DHDDS: variants seen among roughly 807,000 people sequenced by gnomAD.
DHDDS encodes dehydrodolichyl diphosphate synthase complex subunit DHDDS.
Under a neutral mutation model 46.2 loss-of-function variants are expected in DHDDS, and 16 were observed. That is an observed-to-expected ratio of 0.35 (90% CI 0.23 to 0.53). The LOEUF (loss-of-function observed/expected upper bound fraction) is 0.53, where lower values mean the gene tolerates loss of function less well. Ranked by LOEUF, DHDDS falls within the 20% of genes least tolerant of loss-of-function variation. The probability of loss-of-function intolerance (pLI) is 0.94; values close to 1 mark genes in which losing one functional copy is unlikely to be tolerated. For synonymous variants in DHDDS, 151 were observed against 163.1 expected (o/e 0.93, Z 0.56); for missense variants, 340 against 423.7 (o/e 0.80, Z 1.73).
chr1:26,443,910 A>C (rs1453821140), intron 4 of DHDDS, among the ~76,000 whole-genome samples: 2 of 152,198 alleles, frequency 1.3e-5, no homozygotes, highest in Non-Finnish European at 2.9e-5. Flanking sequence ...TCCTGTAATC[A>C]CATTATACCA....
At position 26,448,655 on chromosome 1, in the gene DHDDS, C is replaced by G. The variant is rs1052350462; in HGVS notation, c.542+995C>G. The stretch of plus-strand genomic sequence containing the variant: ...GTAAAATAATAGTAGCAAAAAATAA[C>G]CCAGGAGATGTGTTGTGTTCTGTAT... On this transcript the variant is annotated intron_variant, in intron 6 of 8. Transcript: ENST00000236342. The G allele has an allele frequency of 5.3e-5, 8 of 152,092 alleles. 1 individual carries two copies. The highest frequency in any genetic ancestry group is 1.9e-4 in the African/African-American group (8 of 41,500). The allele number at this position is 152,092 out of a possible 1,614,324, so 9.4% of individuals were successfully genotyped here.
At chr1:26,436,599 A>G (rs1181742532) in intron 2 of DHDDS, among the ~76,000 whole-genome samples, 1 of 151,498 alleles carries the variant, frequency 6.6e-6, no homozygotes, top group African/African-American at 2.4e-5. Context: ...AACTTTTTGT[A>G]TTTTTAGTAG....
intron 8 of DHDDS, among the ~76,000 whole-genome samples, chr1:26,465,298 C>T (rs1274614330): frequency 6.6e-6 from 1 of 152,204 alleles, no homozygotes; most frequent in Non-Finnish European, 1.5e-5. Flanking sequence ...TATATTTCTT[C>T]TGCTCTTCAG....
chr1:26,443,052 C>T (rs906238972), intron 4 of DHDDS, 179 bp downstream of exon 4: 12 of 999,722 alleles, frequency 1.2e-5, no homozygotes, highest in African/African-American at 6.7e-5. Context: ...TTATTTCTAA[C>T]TTTTTAATAA....
At chr1:26,434,743 C>T (rs555668029) in intron 2 of DHDDS, among the ~76,000 whole-genome samples, 10 of 152,060 alleles carry the variant, frequency 6.6e-5, no homozygotes, top group African/African-American at 2.2e-4. Context: ...ACCTCTGTCT[C>T]CTGGGTTCAA....
intron 8 of DHDDS, chr1:26,467,008 C>T: frequency 4.9e-6 from 1 of 202,150 alleles, no homozygotes; most frequent in South Asian, 7.9e-5. Flanking sequence ...CTCATTACTC[C>T]CACTGCCAGA....
intron 7 of DHDDS, among the ~76,000 whole-genome samples, chr1:26,459,061 G>A (rs143439992): frequency 4.6e-4 from 70 of 152,350 alleles, no homozygotes; most frequent in African/African-American, 1.5e-3. Flanking sequence ...ATATGGCAGT[G>A]AGTGAGTCAG....
intron 3 of DHDDS, among the ~76,000 whole-genome samples, chr1:26,440,329 G>C (rs890994434): frequency 6.6e-6 from 1 of 152,164 alleles, no homozygotes; most frequent in Non-Finnish European, 1.5e-5. Flanking sequence ...TTGTAACTGA[G>C]AGGCAGTTTT....
chr1:26,453,956 CT>C (rs1301791254), intron 6 of DHDDS, among the ~76,000 whole-genome samples: 6 of 132,684 alleles, frequency 4.5e-5, no homozygotes, highest in East Asian at 2.1e-4. Context: ...GAGTTAACCC[CT>C]TTTTTTTTGT....
chr1:26,467,403 T>A (rs763305870), intron 8 of DHDDS: 10 of 465,362 alleles, frequency 2.1e-5, no homozygotes, highest in Non-Finnish European at 3.6e-5. Context: ...TGTAATTCAT[T>A]GTAATAGCAG....
chr1:26,444,319 C>T (rs563481376), intron 4 of DHDDS, among the ~76,000 whole-genome samples: 1 of 152,260 alleles, frequency 6.6e-6, no homozygotes, highest in South Asian at 2.1e-4. Context: ...TGCTGAGTTG[C>T]ATTTACCTAT....
chr1:26,433,493 TA>T (rs1227608015), intron 2 of DHDDS, among the ~76,000 whole-genome samples: 1 of 151,356 alleles, frequency 6.6e-6, no homozygotes, highest in South Asian at 2.1e-4. Context: ...TCCAAAAAAT[TA>T]AAAAAATAGC....
intron 5 of DHDDS, among the ~76,000 whole-genome samples, chr1:26,447,265 A>G (rs1384818011): frequency 6.6e-6 from 1 of 152,154 alleles, no homozygotes; most frequent in African/African-American, 2.4e-5. Context: ...GGTTGCAGTG[A>G]GTCGAGATCA....
intron 3 of DHDDS, among the ~76,000 whole-genome samples, chr1:26,442,478 GTTCT>G (rs1268473472): frequency 6.6e-6 from 1 of 152,200 alleles, no homozygotes; most frequent in Non-Finnish European, 1.5e-5. Flanking sequence ...TCAGTGCAGA[GTTCT>G]TTCTTGTAGT....
At chr1:26,443,004 G>A (rs1168859304) in intron 4 of DHDDS, 131 bp downstream of exon 4, 4 of 1,474,034 alleles carry the variant, frequency 2.7e-6, no homozygotes, top group South Asian at 1.2e-5. Context: ...GATATCTTGG[G>A]TGGCAAATAT....
Position 26,455,453 on chromosome 1 carries a change from G to A in DHDDS, c.543-2338G>A, listed in dbSNP as rs2075362295. The stretch of plus-strand genomic sequence containing the variant: ...TGGTTTGCCTTAAAGGACTGAGAGA[G>A]ATGAGCAACTTGGCTGGGTGCAGTG... On this transcript the variant is annotated intron_variant, in intron 6 of 8. Coordinates refer to ENST00000236342, the MANE Select transcript of DHDDS (RefSeq NM_205861.3). Among the ~76,000 whole-genome samples the A allele has an allele frequency of 2.0e-5, 3 of 152,040 alleles. No individual in the cohort carries two copies. The South Asian group carries it at 6.2e-4, about 31-fold the overall frequency.
intron 7 of DHDDS, among the ~76,000 whole-genome samples, chr1:26,459,504 T>C (rs1447429056): frequency 6.6e-6 from 1 of 152,242 alleles, no homozygotes; most frequent in Non-Finnish European, 1.5e-5. Flanking sequence ...AGTTTTACAT[T>C]TGAGGAATCT....
At chr1:26,442,166 G>A (rs1350490033) in intron 3 of DHDDS, among the ~76,000 whole-genome samples, 1 of 152,170 alleles carries the variant, frequency 6.6e-6, no homozygotes, top group Non-Finnish European at 1.5e-5. Flanking sequence ...TTTTAAAGTG[G>A]TTGTTCAAAG....
intron 4 of DHDDS, among the ~76,000 whole-genome samples, chr1:26,443,867 C>T (rs1385710388): frequency 1.3e-5 from 2 of 152,204 alleles, no homozygotes; most frequent in African/African-American, 2.4e-5. Context: ...TTACTATATG[C>T]CAGGCTTTGA....
Sources: allele counts gnomAD v4.1 joint callset (sites outside exome capture counted in the v4.1 genomes callset), GRCh38; gene constraint gnomAD v4.1.1; transcripts MANE v1.5; gene names NCBI Gene and HGNC (gene_info 2026-07-23, HGNC 2026-07-21).